Variants in BRSK2 observed in about 807,000 individuals in gnomAD.
BRSK2 encodes serine/threonine-protein kinase BRSK2.
In BRSK2, 19 loss-of-function variants were observed where a neutral mutation model predicts 83.3. The observed-to-expected ratio is 0.23, with a 90% CI of 0.16 to 0.33. The LOEUF (loss-of-function observed/expected upper bound fraction) is 0.33. Ranked by LOEUF, BRSK2 falls within the 10% of genes least tolerant of loss-of-function variation. BRSK2 has a pLI of 1.00. For synonymous variants in BRSK2, 519 were observed against 435.4 expected (o/e 1.19, Z -2.39); for missense variants, 798 against 1,042.3 (o/e 0.77, Z 3.23).
At chr11:1,426,928 T>TG (rs886733531) in intron 1 of BRSK2, among the ~76,000 whole-genome samples, 4 of 151,966 alleles carry the variant, frequency 2.6e-5, no homozygotes, top group African/African-American at 9.7e-5. Flanking sequence ...ATGCGGGAGA[T>TG]GGGGGGGCGG....
At chr11:1,434,131 AC>A (rs1187593222) in intron 1 of BRSK2, among the ~76,000 whole-genome samples, 9 of 152,252 alleles carry the variant, frequency 5.9e-5, no homozygotes, top group African/African-American at 2.2e-4. Context: ...CAGGATAAAA[AC>A]GAGAACAGGA....
chr11:1,403,579 A>G (rs913149483), intron 1 of BRSK2, among the ~76,000 whole-genome samples: 3 of 152,128 alleles, frequency 2.0e-5, no homozygotes, highest in Non-Finnish European at 4.4e-5. Context: ...TTTGGTGTGA[A>G]AGGGGGATAA....
chr11:1,394,724 CATGGAGATGGGT>C (rs1255759729), intron 1 of BRSK2, among the ~76,000 whole-genome samples: 36 of 118,244 alleles, frequency 3.0e-4, no homozygotes, highest in Non-Finnish European at 5.3e-4. Context: ...GGAGATGGGC[CATGGAGATGGGT>C]CCTGGAGATG....
intron 1 of BRSK2, among the ~76,000 whole-genome samples, chr11:1,415,173 C>T (rs771897087): frequency 1.3e-5 from 2 of 148,788 alleles, no homozygotes; most frequent in African/African-American, 5.0e-5. Context: ...CGGCTCACTG[C>T]AAGCTCCGCC....
At chr11:1,450,409 C>T (rs1845674827) in intron 13 of BRSK2, among the ~76,000 whole-genome samples, 178 bp from the exon 14 acceptor site, 1 of 152,150 alleles carries the variant, frequency 6.6e-6, no homozygotes, top group Non-Finnish European at 1.5e-5. Flanking sequence ...AGCTGACCGA[C>T]AAGCCTCTGC....
intron 2 of BRSK2, 28 bp downstream of exon 2, chr11:1,436,162 G>A (rs1454848156): frequency 8.2e-6 from 3 of 367,130 alleles, no homozygotes; most frequent in African/African-American, 4.7e-5. Context: ...GGGAGGCGGG[G>A]CCGGCGGTGG....
intron 1 of BRSK2, among the ~76,000 whole-genome samples, chr11:1,416,918 T>TGGGAGGCCAAG (rs1399554624): frequency 6.6e-6 from 1 of 152,062 alleles, no homozygotes; most frequent in East Asian, 1.9e-4. Context: ...CCCAACACTT[T>TGGGAGGCCAAG]GGGAGGTCAA....
intron 1 of BRSK2, among the ~76,000 whole-genome samples, chr11:1,399,081 A>G (rs867821699): frequency 2.6e-5 from 4 of 152,186 alleles, no homozygotes; most frequent in Middle Eastern, 3.2e-3. Context: ...GGGCACCTCC[A>G]GCCAGGAAGG....
chr11:1,428,725 T>C (rs1232859634), intron 1 of BRSK2, among the ~76,000 whole-genome samples: 1 of 152,186 alleles, frequency 6.6e-6, no homozygotes, highest in African/African-American at 2.4e-5. Context: ...ACTGGGAGTG[T>C]GCATGTTTGT....
intron 5 of BRSK2, among the ~76,000 whole-genome samples, chr11:1,442,866 C>T (rs909968995): frequency 6.6e-6 from 1 of 152,184 alleles, no homozygotes; most frequent in Non-Finnish European, 1.5e-5. Context: ...ACATGCCCCT[C>T]TCCTGGGGAC....
At chr11:1,416,023 A>G (rs1390403973) in intron 1 of BRSK2, among the ~76,000 whole-genome samples, 1 of 152,252 alleles carries the variant, frequency 6.6e-6, no homozygotes, top group Non-Finnish European at 1.5e-5. Flanking sequence ...AAGCTGAACC[A>G]AGTTCATTAG....
chr11:1,400,658 G>A (rs545007714), intron 1 of BRSK2, among the ~76,000 whole-genome samples: 5 of 108,750 alleles, frequency 4.6e-5, no homozygotes, highest in Middle Eastern at 4.1e-3. Flanking sequence ...AGGTGGTCTC[G>A]GGGGGCAGAT....
At chr11:1,456,823 C>T in intron 18 of BRSK2, 136 bp downstream of exon 18, 6 of 1,330,172 alleles carry the variant, frequency 4.5e-6, no homozygotes, top group Non-Finnish European at 6.2e-6. Context: ...CCTCCCTGCC[C>T]CGAGCTGTGG....
chr11:1,454,756 C>A lies in BRSK2; in HGVS notation c.1668+148C>A. On this transcript the variant is annotated intron_variant, in intron 16 of 19. Transcript: ENST00000528841. This position sits in a 1 kb window ranked among gnomAD's most constrained non-coding sequence, Gnocchi z 5.2. ...ACCCGTGGGCCTGCCTGGCCGCCTT[C>A]ACTGGACAGGCGCTCTCTCCTGCCC... 9.3e-7 allele frequency: 1 copy of A among 1,071,170 alleles called. No individual in the cohort carries two copies. The highest frequency in any genetic ancestry group is 1.3e-6 in the Non-Finnish European group (1 of 755,626). The allele number at this position is 1,071,170 out of a possible 1,614,324, so 66.4% of individuals were successfully genotyped here. A position where few individuals can be genotyped will look rare whatever the true frequency, so the allele number is the denominator to read the frequency against.
chr11:1,428,125 G>A (rs1590462063), intron 1 of BRSK2, among the ~76,000 whole-genome samples: 1 of 152,234 alleles, frequency 6.6e-6, no homozygotes, highest in East Asian at 1.9e-4. Flanking sequence ...AGTGACCAGA[G>A]CTCCAGGATG....
chr11:1,439,831 G>A (rs1850923039), intron 3 of BRSK2, among the ~76,000 whole-genome samples: 1 of 150,206 alleles, frequency 6.7e-6, no homozygotes, highest in Admixed American at 6.6e-5. Flanking sequence ...CCCCTGCCCT[G>A]AGGGCTTCAC....
At chr11:1,445,712 AC>A in intron 11 of BRSK2, 44 bp downstream of exon 11, 5 of 1,611,062 alleles carry the variant, frequency 3.1e-6, no homozygotes, top group Non-Finnish European at 4.2e-6. Context: ...GCACTGCCCC[AC>A]CGGGGTCCGG....
At chr11:1,412,738 G>T (rs1383495593) in intron 1 of BRSK2, among the ~76,000 whole-genome samples, 2 of 150,280 alleles carry the variant, frequency 1.3e-5, no homozygotes, top group African/African-American at 5.0e-5. Context: ...AGCCCAGAGG[G>T]GATCCTCCTG....
chr11:1,416,635 C>G (rs1052394204), intron 1 of BRSK2, among the ~76,000 whole-genome samples: 1 of 152,186 alleles, frequency 6.6e-6, no homozygotes, highest in Admixed American at 6.5e-5. Flanking sequence ...GGTGCTACAC[C>G]ATGGTCCTCT....
Sources: gnomAD v4.1 joint callset for allele counts (sites outside exome capture counted in the v4.1 genomes callset) on GRCh38, gnomAD v4.1.1 for gene constraint, Gnocchi (gnomAD v3.1) non-coding constraint, MANE v1.5 for transcripts, NCBI Gene and HGNC (gene_info 2026-07-23, HGNC 2026-07-21) for gene names.